The following WIPF1 variants were observed in gnomAD, a reference collection of about 807,000 sequenced individuals.
The protein encoded by WIPF1 is WAS/WASL interacting protein family member 1, also known as WAS/WASL-interacting protein family member 1.
A neutral mutation model predicts 35.4 loss-of-function variants in WIPF1; 13 were observed. That is an observed-to-expected ratio of 0.37 (90% CI 0.24 to 0.58). The LOEUF (loss-of-function observed/expected upper bound fraction) is 0.58, where lower values mean the gene tolerates loss of function less well. Ranked by LOEUF, WIPF1 falls within the 20% of genes least tolerant of loss-of-function variation. The pLI is 0.74. For synonymous variants in WIPF1, 267 were observed against 266.3 expected (o/e 1.00, Z -0.02); for missense variants, 591 against 667.0 (o/e 0.89, Z 1.25).
intron 7 of WIPF1, among the ~76,000 whole-genome samples, chr2:174,564,033 C>T (rs555069164): frequency 5.3e-5 from 8 of 152,210 alleles, no homozygotes; most frequent in African/African-American, 9.6e-5. Context: ...TCAACTGACC[C>T]GCCACAAGTG....
At chr2:174,659,967 G>A (rs1040837629) in intron 1 of WIPF1, among the ~76,000 whole-genome samples, 5 of 152,068 alleles carry the variant, frequency 3.3e-5, no homozygotes, top group African/African-American at 9.7e-5. Flanking sequence ...TTAATAGTGC[G>A]CCCTTGCCTC....
chr2:174,654,401 A>G (rs928022096), intron 1 of WIPF1, among the ~76,000 whole-genome samples: 1 of 152,090 alleles, frequency 6.6e-6, no homozygotes, highest in Non-Finnish European at 1.5e-5. Context: ...TTAACTGCTC[A>G]GTTTCTTTTT....
chr2:174,660,022 G>A (rs1687724503), intron 1 of WIPF1, among the ~76,000 whole-genome samples: 1 of 152,158 alleles, frequency 6.6e-6, no homozygotes, highest in South Asian at 2.1e-4. Flanking sequence ...AGTACTCTTT[G>A]TGCTTTTCTG....
At chr2:174,608,153 T>G (rs1376710218) in intron 1 of WIPF1, among the ~76,000 whole-genome samples, 1 of 151,932 alleles carries the variant, frequency 6.6e-6, no homozygotes, top group Admixed American at 6.5e-5. Flanking sequence ...AGGAAGAGAA[T>G]GAGTTAGAAA....
At chr2:174,654,485 C>G (rs892509235) in intron 1 of WIPF1, among the ~76,000 whole-genome samples, 13 of 152,248 alleles carry the variant, frequency 8.5e-5, no homozygotes, top group African/African-American at 2.9e-4. Context: ...GCTTATTTTA[C>G]TTTTCTAATT....
At chr2:174,637,336 G>A (rs954977161) in intron 1 of WIPF1, among the ~76,000 whole-genome samples, 1 of 151,818 alleles carries the variant, frequency 6.6e-6, no homozygotes, top group Non-Finnish European at 1.5e-5. Context: ...TATGATTTTG[G>A]TTTCTTTTTT....
At chr2:174,676,315 C>CCTTTT (rs1271286324) in intron 1 of WIPF1, 1 of 55,030 alleles carries the variant, frequency 1.8e-5, no homozygotes, top group African/African-American at 7.7e-5. Flanking sequence ...TCCCTCCCTT[C>CCTTTT]TTTTTTTTTT....
chr2:174,674,948 A>ACACACACACACACACACG lies in WIPF1; in HGVS notation c.-39+7825_-39+7826insCGTGTGTGTGTGTGTGTG, dbSNP rs576751803. On this transcript the variant is annotated intron_variant, in intron 1 of 8. Coordinates refer to the WIPF1 transcript ENST00000272746. The stretch of plus-strand genomic sequence containing the variant: ...CACACACACACACACACACACACAC[A>ACACACACACACACACACG]GATGTTCCAGGAAGAATGGTTGTAG... Among the ~76,000 whole-genome samples the ACACACACACACACACACG allele has an allele frequency of 2.0e-4, 30 of 147,198 alleles. 2 individuals carry two copies. The highest frequency in any genetic ancestry group is 6.6e-4 in the African/African-American group (26 of 39,516).
At chr2:174,637,615 G>A (rs1019050661) in intron 1 of WIPF1, among the ~76,000 whole-genome samples, 10 of 152,048 alleles carry the variant, frequency 6.6e-5, no homozygotes, top group Admixed American at 2.6e-4. Context: ...GTGAAACCCC[G>A]TCTCTACTAA....
At chr2:174,584,106 T>C (rs142758784) in intron 2 of WIPF1, among the ~76,000 whole-genome samples, 1 of 152,320 alleles carries the variant, frequency 6.6e-6, no homozygotes, top group East Asian at 1.9e-4. Flanking sequence ...ACCAGTCTTT[T>C]GAAAAATATT....
At chr2:174,656,574 T>C (rs1026952451) in intron 1 of WIPF1, among the ~76,000 whole-genome samples, 6 of 152,252 alleles carry the variant, frequency 3.9e-5, no homozygotes, top group Admixed American at 3.9e-4. Context: ...AAGATATTCC[T>C]ACTCTTTTGT....
At chr2:174,603,602 T>C (rs1485597479) in intron 1 of WIPF1, among the ~76,000 whole-genome samples, 1 of 152,260 alleles carries the variant, frequency 6.6e-6, no homozygotes, top group Non-Finnish European at 1.5e-5. Flanking sequence ...TGGCTATTTC[T>C]TGTGTCTTTT....
chr2:174,579,952 G>C (rs938548447), intron 3 of WIPF1, among the ~76,000 whole-genome samples: 3 of 151,406 alleles, frequency 2.0e-5, no homozygotes, highest in Non-Finnish European at 4.4e-5. Context: ...AAATACCTTA[G>C]TTCCTTTTTT....
chr2:174,636,463 C>T (rs556028907), intron 1 of WIPF1, among the ~76,000 whole-genome samples: 3 of 152,204 alleles, frequency 2.0e-5, no homozygotes, highest in South Asian at 2.1e-4. Flanking sequence ...CCCAGTCTCC[C>T]CTATTATTAA....
At chr2:174,626,125 G>A (rs1211903208) in intron 1 of WIPF1, among the ~76,000 whole-genome samples, 3 of 152,066 alleles carry the variant, frequency 2.0e-5, no homozygotes, top group African/African-American at 7.2e-5. Flanking sequence ...TAAAAGCAGA[G>A]GAAAGCTTGA....
intron 3 of WIPF1, among the ~76,000 whole-genome samples, chr2:174,579,312 T>G (rs1385381014): frequency 1.3e-5 from 2 of 152,198 alleles, no homozygotes; most frequent in Admixed American, 1.3e-4. Flanking sequence ...GGCCCATTAG[T>G]GTTCTTAACC....
intron 1 of WIPF1, among the ~76,000 whole-genome samples, chr2:174,629,230 C>CA (rs796761720): frequency 1.8e-4 from 28 of 151,780 alleles, no homozygotes; most frequent in African/African-American, 5.8e-4. Context: ...CTCTCTCTAT[C>CA]AAAAAAAAGT....
chr2:174,626,650 TA>T (rs1559165225), intron 1 of WIPF1, among the ~76,000 whole-genome samples: 1 of 152,188 alleles, frequency 6.6e-6, no homozygotes, highest in East Asian at 1.9e-4. Flanking sequence ...CTATTTTCCT[TA>T]ACTCCTCTCT....
At chr2:174,569,683 A>C (rs557272363) in intron 5 of WIPF1, among the ~76,000 whole-genome samples, 171 of 152,340 alleles carry the variant, frequency 1.1e-3, no homozygotes, top group African/African-American at 3.9e-3. Flanking sequence ...ATGCCAGGAA[A>C]TAAGATAACC....
Sources: gnomAD v4.1 joint callset for allele counts (sites outside exome capture counted in the v4.1 genomes callset) on GRCh38, gnomAD v4.1.1 for gene constraint, MANE v1.5 for transcripts, NCBI Gene and HGNC (gene_info 2026-07-23, HGNC 2026-07-21) for gene names.